INCENP: variants seen among roughly 807,000 people sequenced by gnomAD.
INCENP encodes inner centromere protein, also known as binds and activates aurora-B and -C in vivo and in vitro.
INCENP carries 43 observed loss-of-function variants against 107.3 expected under a neutral mutation model. The observed-to-expected ratio is 0.40, with a 90% CI of 0.31 to 0.52. INCENP has a LOEUF of 0.52. Among genes scored for constraint, INCENP ranks in the 20% least tolerant of loss-of-function variants. The probability of loss-of-function intolerance (pLI) is 0.53; values close to 1 mark genes in which losing one functional copy is unlikely to be tolerated. For missense variants in INCENP, 1,089 were observed against 1,250.9 expected (o/e 0.87, Z 1.95); for synonymous variants, 488 against 494.4 (o/e 0.99, Z 0.17).
rs923622360 is a variant in INCENP, at chr11:62,152,883, T to G, written c.*907T>G. ...GCTGTGGTCCTGCCTGTGAGCTGCC[T>G]ACTGCTGCCTTCTGAATGCATATAT... On this transcript the variant is annotated 3_prime_UTR_variant, in exon 19 of 19. Coordinates refer to ENST00000394818, the MANE Select transcript of INCENP (RefSeq NM_001040694.2). 1.3e-5 allele frequency: 2 copies of G among 152,282 alleles called. No homozygotes were observed. Among genetic ancestry groups the G allele is most frequent in the Non-Finnish European group, 2.9e-5 (2 of 68,056 alleles). 9.4% of individuals were successfully genotyped at this position (152,282 alleles called of 1,614,324 possible). A position where few individuals can be genotyped will look rare whatever the true frequency, so the allele number is the denominator to read the frequency against.
chr11:62,143,412 C>G (rs1171422255), intron 11 of INCENP, among the ~76,000 whole-genome samples: 3 of 152,020 alleles, frequency 2.0e-5, no homozygotes, highest in Non-Finnish European at 4.4e-5. Context: ...CTTTGGAGTT[C>G]CAGGCTGTGT....
intron 4 of INCENP, 77 bp downstream of exon 4, chr11:62,130,667 G>A: frequency 1.5e-6 from 2 of 1,303,252 alleles, no homozygotes; most frequent in African/African-American, 2.9e-5. Flanking sequence ...GGATCATCTA[G>A]CAAGGAGCTG....
Position 62,145,227 on chromosome 11 carries a change from AAGG to A in INCENP, c.1780_1782del (p.Glu594del), listed in dbSNP as rs896768648. 2 of 1,613,906 alleles carry A rather than the reference AAGG, an allele frequency of 1.2e-6. No individual in the cohort carries two copies. ...GGCCCGCGAGCGGGTGGAGCAGATGAAGGAGGAGAAGAAGAAGCAGATTGAGCA... is the reference window on the plus strand; with the variant it reads ...GGCCCGCGAGCGGGTGGAGCAGATGAAGGAGAAGAAGAAGCAGATTGAGCA... On this transcript the variant is annotated inframe_deletion, in exon 13 of 19. Coordinates refer to ENST00000394818, the MANE Select transcript of INCENP (RefSeq NM_001040694.2).
At chr11:62,141,238 C>T (rs937622637) in intron 10 of INCENP, among the ~76,000 whole-genome samples, 194 bp downstream of exon 10, 3 of 152,212 alleles carry the variant, frequency 2.0e-5, no homozygotes, top group Non-Finnish European at 4.4e-5. Context: ...CTGCACTTGA[C>T]CTTGTGGGCT....
chr11:62,131,866 A>G (rs1022702040), intron 4 of INCENP, among the ~76,000 whole-genome samples: 1 of 151,762 alleles, frequency 6.6e-6, no homozygotes, highest in Non-Finnish European at 1.5e-5. Context: ...CAACCTCTGC[A>G]TGCATCTCAG....
rs1944378254 is a variant in INCENP, at chr11:62,151,755, C to T, written c.2543-7C>T. The T allele has an allele frequency of 5.0e-6, 8 of 1,613,356 alleles. No individual in the cohort carries two copies. Among genetic ancestry groups the T allele is most frequent in the African/African-American group, 1.3e-5 (1 of 74,908 alleles). ...CAAGGCAGTGTCTGGTCTGTGGTCT[C>T]CTGCAGGCACCCCGCTCAGCCAGGC... is the stretch of plus-strand genomic sequence containing the variant. On this transcript the variant is annotated splice_polypyrimidine_tract_variant and splice_region_variant and intron_variant, in intron 18 of 18. Transcript: ENST00000394818.
Position 62,151,823 on chromosome 11 carries a change from C to T in INCENP, c.2604C>T (p.Leu868=). The T allele has an allele frequency of 6.2e-7, 1 of 1,614,176 alleles. No homozygotes were observed. The highest frequency in any genetic ancestry group is 8.5e-7 in the Non-Finnish European group (1 of 1,180,028). The part of the protein sequence containing the change: ...QYYHPPNLLE[L]FGTILPLDLE... ...ACCACCCACCGAACCTTCTGGAGCT[C>T]TTTGGAACCATTCTCCCACTGGACT... Residue 868 remains leucine (L), a synonymous_variant, in exon 19 of 19, where the codon CTC becomes CTT. Transcript: ENST00000394818.
intron 14 of INCENP, among the ~76,000 whole-genome samples, chr11:62,146,419 T>TGGC (rs1479596885): frequency 6.6e-6 from 1 of 152,254 alleles, no homozygotes; most frequent in Admixed American, 6.5e-5. Flanking sequence ...CTAGCGAGTT[T>TGGC]GGCTCCGAGG....
intron 15 of INCENP, 137 bp downstream of exon 15, chr11:62,147,039 C>T: frequency 7.4e-7 from 1 of 1,344,738 alleles, no homozygotes; most frequent in Non-Finnish European, 1.0e-6. Flanking sequence ...AGAGGCCCAC[C>T]TGAATACACT....
chr11:62,148,972 GT>G, intron 17 of INCENP, 126 bp downstream of exon 17: 1 of 505,138 alleles, frequency 2.0e-6, no homozygotes, highest in Non-Finnish European at 3.5e-6. Context: ...TGGCCCAATT[GT>G]TTTTACTTCT....
In INCENP at chr11:62,124,046, C is replaced by G. The variant is rs1342229423; in HGVS notation, c.-129C>G. The G allele has an allele frequency of 2.6e-5, 4 of 152,300 alleles. No homozygotes were observed. 9.4% of individuals were successfully genotyped at this position (152,300 alleles called of 1,614,324 possible). ...CCCGCGCTGCGCCGCCTGGTTGCTC[C>G]TCCCGTGCGGTGAGTCCCGAAGGCC... On this transcript the variant is annotated 5_prime_UTR_variant, in exon 1 of 19. Coordinates refer to ENST00000394818, the MANE Select transcript of INCENP (RefSeq NM_001040694.2).
chr11:62,146,731 C>T lies in INCENP; in HGVS notation c.2033C>T (p.Ala678Val), dbSNP rs751668290. The T allele has an allele frequency of 2.3e-5, 36 of 1,547,668 alleles. No individual in the cohort carries two copies. The East Asian group carries it at 2.9e-4, about 13-fold the overall frequency. The change falls in exon 15 of 19, where the codon GCG becomes GTG. Residue 678 changes from alanine (A) to valine (V), a missense_variant. Ala to Val is a moderately conservative substitution (Grantham distance 64, BLOSUM62 0). Coordinates refer to ENST00000394818, the MANE Select transcript of INCENP (RefSeq NM_001040694.2). ...GAGGAGCAGGAGCGGCTGCGGAAGGCGGCCGAGGCTAAGCGGCTGGCAGAG... is the reference window on the plus strand; with the variant it reads ...GAGGAGCAGGAGCGGCTGCGGAAGGTGGCCGAGGCTAAGCGGCTGGCAGAG... ...KEEEQERLRKAAEAKRLAEQR... is the reference protein window; with the variant it reads ...KEEEQERLRKVAEAKRLAEQR...
chr11:62,150,611 C>G (rs1392225273), intron 18 of INCENP, among the ~76,000 whole-genome samples: 1 of 152,208 alleles, frequency 6.6e-6, no homozygotes, highest in African/African-American at 2.4e-5. Flanking sequence ...AGGCAGAACA[C>G]CAAGCTGGAG....
rs1277007483 is a variant in INCENP at position 62,150,528 on chromosome 11, C to T, written c.2542+321C>T. 2.0e-5 allele frequency among the ~76,000 whole-genome samples: 3 copies of T among 152,214 alleles called. No homozygotes were observed. The East Asian group carries it at 5.8e-4, about 29-fold the overall frequency. On this transcript the variant is annotated intron_variant, in intron 18 of 18. Transcript: ENST00000394818. ...CTAGGCCCTTCCTTAGAGTCCCATC[C>T]AGCAGGGCTGAAGAGACTTGGACCT... is the stretch of plus-strand genomic sequence containing the variant.
chr11:62,129,823 G>A lies in INCENP; in HGVS notation c.296G>A (p.Arg99Gln), dbSNP rs146465225. 90 of 1,610,798 alleles carry A rather than the reference G, an allele frequency of 5.6e-5. No individual in the cohort carries two copies. Among genetic ancestry groups the A allele is most frequent in the Non-Finnish European group, 7.0e-5 (83 of 1,179,722 alleles). Residue 99 changes from arginine (R) to glutamine (Q), a missense_variant, in exon 4 of 19, where the codon CGA becomes CAA. Physicochemically the swap from Arg to Gln is conservative, Grantham distance 43 (BLOSUM62 1). Coordinates refer to ENST00000394818, the MANE Select transcript of INCENP (RefSeq NM_001040694.2). ...TCTCGGAGCAGCCAGCTGAGCTCCC[G>A]ACGCCTCCGCAGCAAGGACAGTGTA... ...RKSRSSQLSSRRLRSKDSVEK... is the reference protein window; with the variant it reads ...RKSRSSQLSSQRLRSKDSVEK...
chr11:62,124,035 C>T lies in INCENP; in HGVS notation c.-140C>T, dbSNP rs2134596217. 1 of 152,380 alleles carries T rather than the reference C, an allele frequency of 6.6e-6. No homozygotes were observed. The highest frequency in any genetic ancestry group is 2.1e-4 in the South Asian group (1 of 4,826). 9.4% of individuals were successfully genotyped at this position (152,380 alleles called of 1,614,324 possible). A position where few individuals can be genotyped will look rare whatever the true frequency, so the allele number is the denominator to read the frequency against. On this transcript the variant is annotated 5_prime_UTR_variant, in exon 1 of 19. Coordinates refer to ENST00000394818, the MANE Select transcript of INCENP (RefSeq NM_001040694.2). ...CATAGTTTTCGCCCGCGCTGCGCCG[C>T]CTGGTTGCTCCTCCCGTGCGGTGAG...
chr11:62,130,361 G>A lies in INCENP; in HGVS notation c.834G>A (p.Arg278=), dbSNP rs368404953. The change falls in exon 4 of 19, where the codon CGG becomes CGA. Residue 278 remains arginine (R), a synonymous_variant. Transcript: ENST00000394818. ...DSPAFPDSPW[R]ERVLAPILPD... is the part of the protein sequence containing the mutation. ...CAGCCTTTCCAGATTCTCCATGGCG[G>A]GAGCGGGTGCTGGCTCCCATCCTGC... 1 of 1,612,374 alleles carries A rather than the reference G, an allele frequency of 6.2e-7. No homozygotes were observed. Among genetic ancestry groups the A allele is most frequent in the African/African-American group, 1.3e-5 (1 of 75,048 alleles).
intron 7 of INCENP, among the ~76,000 whole-genome samples, chr11:62,140,021 G>A (rs1458034539): frequency 2.6e-5 from 4 of 151,978 alleles, no homozygotes; most frequent in South Asian, 2.1e-4. Context: ...TCAAGGATCC[G>A]CCCACCTTGG....
intron 1 of INCENP, among the ~76,000 whole-genome samples, chr11:62,127,697 C>T (rs1792948): frequency 0.53 from 80,318 of 152,062 alleles, 23,080 homozygotes; most frequent in Non-Finnish European, 0.66. Flanking sequence ...TCTTAGCCCT[C>T]ACTTAACCAT....
Sources: gnomAD v4.1 joint callset for allele counts (sites outside exome capture counted in the v4.1 genomes callset) on GRCh38, gnomAD v4.1.1 for gene constraint, MANE v1.5 for transcripts, NCBI Gene and HGNC (gene_info 2026-07-23, HGNC 2026-07-21) for gene names.